Variants in EFHC2 observed in about 807,000 individuals in gnomAD.
EFHC2 encodes EF-hand domain containing 2.
In EFHC2, 18 loss-of-function variants were observed where a neutral mutation model predicts 52.7. The observed-to-expected ratio is 0.34, with a 90% CI of 0.24 to 0.51. EFHC2 has a LOEUF of 0.51. EFHC2 is among the 20% of genes least tolerant of loss of function. The pLI is 0.97. For synonymous variants in EFHC2, 203 were observed against 204.1 expected (o/e 0.99, Z 0.04); for missense variants, 513 against 562.5 (o/e 0.91, Z 0.89).
chrX:44,195,861 G>A (rs1212492437), intron 11 of EFHC2, among the ~76,000 whole-genome samples: 1 of 111,569 alleles, frequency 9.0e-6, no homozygotes, highest in African/African-American at 3.3e-5. Context: ...CTTTTCCTAA[G>A]CAACTTGGCT....
intron 14 of EFHC2, among the ~76,000 whole-genome samples, chrX:44,151,443 G>T (rs770544115): frequency 9.0e-6 from 1 of 111,440 alleles, no homozygotes; most frequent in Non-Finnish European, 1.9e-5. Context: ...GATCTTTCTG[G>T]AGGCTCTAAG....
At chrX:44,257,809 A>C (rs762936321) in intron 4 of EFHC2, among the ~76,000 whole-genome samples, 21 of 112,184 alleles carry the variant, frequency 1.9e-4, no homozygotes, top group African/African-American at 6.8e-4. Flanking sequence ...AGAACCAAAA[A>C]AGAGCTCGTA....
intron 1 of EFHC2, among the ~76,000 whole-genome samples, chrX:44,322,266 T>C (rs2038025745): frequency 8.9e-6 from 1 of 112,220 alleles, no homozygotes; most frequent in South Asian, 3.7e-4. Context: ...TATAGTTTCC[T>C]GTTTATATAC....
At chrX:44,154,351 C>A (rs1315025915) in intron 14 of EFHC2, among the ~76,000 whole-genome samples, 1 of 112,071 alleles carries the variant, frequency 8.9e-6, no homozygotes, top group Non-Finnish European at 1.9e-5. Context: ...TACCGCAGCT[C>A]CCTTGCACTT....
chrX:44,160,569 T>G (rs2036644323), intron 14 of EFHC2, among the ~76,000 whole-genome samples: 1 of 111,526 alleles, frequency 9.0e-6, no homozygotes, highest in Non-Finnish European at 1.9e-5. Flanking sequence ...ATTAAAGTAG[T>G]AAAATATGTT....
At chrX:44,332,647 G>A (rs1406935414) in intron 1 of EFHC2, among the ~76,000 whole-genome samples, 1 of 111,230 alleles carries the variant, frequency 9.0e-6, no homozygotes, top group Non-Finnish European at 1.9e-5. Context: ...TAGCATAGCC[G>A]GAATCCTACT....
At chrX:44,167,139 A>C (rs2036702214) in intron 13 of EFHC2, among the ~76,000 whole-genome samples, 1 of 111,537 alleles carries the variant, frequency 9.0e-6, no homozygotes, top group African/African-American at 3.3e-5. Flanking sequence ...ACATCTCCTC[A>C]CTTGAAAACT....
At chrX:44,258,903 A>G (rs1477794729) in intron 4 of EFHC2, among the ~76,000 whole-genome samples, 1 of 110,385 alleles carries the variant, frequency 9.1e-6, no homozygotes, top group East Asian at 2.8e-4. Context: ...GAAACAACAG[A>G]TGCTGGAGAG....
chrX:44,341,689 A>T (rs2038152797), intron 1 of EFHC2, among the ~76,000 whole-genome samples: 1 of 112,228 alleles, frequency 8.9e-6, no homozygotes, highest in Admixed American at 9.4e-5. Context: ...GGCTCAAGGG[A>T]TCCTCCCATC....
intron 13 of EFHC2, among the ~76,000 whole-genome samples, chrX:44,168,109 G>T (rs1020480300): frequency 6.3e-5 from 7 of 111,573 alleles, no homozygotes; most frequent in Admixed American, 1.9e-4. Context: ...CTGTCAGTGG[G>T]GAGAGGGCAC....
intron 11 of EFHC2, among the ~76,000 whole-genome samples, chrX:44,185,807 C>T (rs967779703): frequency 1.8e-5 from 2 of 111,730 alleles, no homozygotes; most frequent in Non-Finnish European, 3.8e-5. Flanking sequence ...GCTGGGGTTA[C>T]AGGTGTGAGC....
intron 11 of EFHC2, among the ~76,000 whole-genome samples, chrX:44,196,021 A>C: frequency 9.0e-6 from 1 of 111,601 alleles, no homozygotes; most frequent in Non-Finnish European, 1.9e-5. Flanking sequence ...GGTTCAGGTG[A>C]TCCTCCCACC....
At chrX:44,150,519 C>T (rs2036561917) in intron 14 of EFHC2, among the ~76,000 whole-genome samples, 1 of 111,754 alleles carries the variant, frequency 8.9e-6, no homozygotes, top group Non-Finnish European at 1.9e-5. Flanking sequence ...GGGGAAGTCA[C>T]TGGTAGGTCT....
At chrX:44,189,605 C>T (rs773659341) in intron 11 of EFHC2, among the ~76,000 whole-genome samples, 10 of 111,531 alleles carry the variant, frequency 9.0e-5, no homozygotes, top group African/African-American at 3.3e-4. Context: ...GAAGCCCCAC[C>T]ACTCAGGAAG....
chrX:44,230,872 C>G (rs2037271160), intron 10 of EFHC2, among the ~76,000 whole-genome samples: 1 of 111,574 alleles, frequency 9.0e-6, no homozygotes, highest in African/African-American at 3.3e-5. Flanking sequence ...TACACATTAT[C>G]ACATCTAATC....
chrX:44,283,597 T>A (rs1297123107), intron 2 of EFHC2, among the ~76,000 whole-genome samples: 4 of 101,091 alleles, frequency 4.0e-5, no homozygotes, highest in Non-Finnish European at 8.0e-5. Context: ...TGGGACAGTC[T>A]TAGGAGTGCG....
rs1022432607 is a variant in EFHC2 at position 44,229,638 on chromosome X, A to C, written c.1751+11T>G. The C allele has an allele frequency of 8.3e-7, 1 of 1,209,117 alleles. No individual in the cohort carries two copies. The highest frequency in any genetic ancestry group is 1.8e-5 in the African/African-American group (1 of 57,087). ...GGGAAAACAGGTGATTGTTAGCAGA[A>C]TATGGCTTACCTGAATGTATTATAA... On this transcript the variant is annotated intron_variant, in intron 11 of 14. Coordinates refer to ENST00000420999, the MANE Select transcript of EFHC2 (RefSeq NM_025184.4).
chrX:44,189,058 T>G lies in EFHC2; in HGVS notation c.1752-10494A>C, dbSNP rs764818764. ...TTGCTTGAACCCGGGAGGCGGAGGT[T>G]GCAGTAAGCTGAGATTGTGTCACTG... On this transcript the variant is annotated intron_variant, in intron 11 of 14. Transcript: ENST00000420999. Among the ~76,000 whole-genome samples, 6 of 100,285 alleles carry G rather than the reference T, an allele frequency of 6.0e-5. No homozygotes were observed. In the East Asian group the frequency reaches 1.6e-3, roughly 26 times the overall value. The allele number at this position is 100,285 out of a possible 115,157, so 87.1% of individuals were successfully genotyped here. A position where few individuals can be genotyped will look rare whatever the true frequency, so the allele number is the denominator to read the frequency against.
At chrX:44,327,555 G>T (rs1360062969) in intron 1 of EFHC2, among the ~76,000 whole-genome samples, 1 of 111,090 alleles carries the variant, frequency 9.0e-6, no homozygotes, top group Non-Finnish European at 1.9e-5. Flanking sequence ...GAATAGTGTG[G>T]GGTTTTTTCC....
Sources: gnomAD v4.1 joint callset for allele counts (sites outside exome capture counted in the v4.1 genomes callset) on GRCh38, gnomAD v4.1.1 for gene constraint, MANE v1.5 for transcripts, NCBI Gene and HGNC (gene_info 2026-07-23, HGNC 2026-07-21) for gene names.